Variants in GREB1L observed in about 807,000 individuals in gnomAD.
GREB1L encodes the protein GREB1-like protein.
GREB1L carries 17 observed loss-of-function variants against 200.8 expected under a neutral mutation model. The observed-to-expected ratio is 0.08, with a 90% CI of 0.06 to 0.13. GREB1L has a LOEUF of 0.13. Among genes scored for constraint, GREB1L ranks in the 10% least tolerant of loss-of-function variants. The pLI is 1.00. For missense variants in GREB1L, 1,657 were observed against 2,367.7 expected (o/e 0.70, Z 6.23); for synonymous variants, 789 against 893.0 (o/e 0.88, Z 2.08).
intron 7 of GREB1L, among the ~76,000 whole-genome samples, chr18:21,404,831 G>A (rs1164229086): frequency 6.6e-6 from 1 of 152,184 alleles, no homozygotes; most frequent in African/African-American, 2.4e-5. Flanking sequence ...GTTTTTTGTG[G>A]AGTACATTTT....
chr18:21,301,339 A>C (rs917012573), intron 1 of GREB1L, among the ~76,000 whole-genome samples: 1 of 152,200 alleles, frequency 6.6e-6, no homozygotes, highest in Admixed American at 6.5e-5. Context: ...AAGCTAGCCA[A>C]ACTTTTCCTC....
chr18:21,423,665 GC>G (rs1044264834), intron 7 of GREB1L, among the ~76,000 whole-genome samples: 2 of 152,156 alleles, frequency 1.3e-5, no homozygotes, highest in Non-Finnish European at 2.9e-5. Flanking sequence ...TTTGAGACCA[GC>G]CTGGGCAACA....
chr18:21,243,066 A>AG (rs2037531430), intron 1 of GREB1L, among the ~76,000 whole-genome samples: 1 of 152,010 alleles, frequency 6.6e-6, no homozygotes, highest in Non-Finnish European at 1.5e-5. Context: ...TGCATGGCTG[A>AG]GGACCACTCT....
At chr18:21,517,484 C>T (rs781038022) in intron 30 of GREB1L, among the ~76,000 whole-genome samples, 4 of 152,082 alleles carry the variant, frequency 2.6e-5, no homozygotes, top group African/African-American at 7.2e-5. Context: ...TCAGCCACCA[C>T]GCACCACCAC....
intron 1 of GREB1L, among the ~76,000 whole-genome samples, chr18:21,271,051 A>G (rs2038069836): frequency 6.6e-6 from 1 of 152,228 alleles, no homozygotes; most frequent in Admixed American, 6.5e-5. Flanking sequence ...ACTATTAGCC[A>G]GTACATCATA....
chr18:21,288,016 G>A (rs1375923552), intron 1 of GREB1L, among the ~76,000 whole-genome samples: 2 of 151,978 alleles, frequency 1.3e-5, no homozygotes, highest in Non-Finnish European at 2.9e-5. Flanking sequence ...TGTTGGCCAG[G>A]ATGGTCTCTA....
At chr18:21,287,456 A>G (rs2038375883) in intron 1 of GREB1L, among the ~76,000 whole-genome samples, 1 of 152,184 alleles carries the variant, frequency 6.6e-6, no homozygotes, top group African/African-American at 2.4e-5. Flanking sequence ...TAGCCCTGTC[A>G]TCTGTATCTT....
Position 21,357,719 on chromosome 18 carries a change from G to A in GREB1L, c.-119-8308G>A, listed in dbSNP as rs562686086. ...AGTTTTCCAAGCATCAGTTATTGAAGAGACTGTTCTTCCCCATTGTGTGTT... is the reference window on the plus strand; with the variant it reads ...AGTTTTCCAAGCATCAGTTATTGAAAAGACTGTTCTTCCCCATTGTGTGTT... On this transcript the variant is annotated intron_variant, in intron 1 of 32. Transcript: ENST00000424526. Among the ~76,000 whole-genome samples the A allele has an allele frequency of 3.3e-5, 5 of 152,294 alleles. No homozygotes were observed. The South Asian group carries it at 1.0e-3, about 32-fold the overall frequency.
intron 7 of GREB1L, among the ~76,000 whole-genome samples, chr18:21,429,130 CCTTCCTT>C (rs2032909962): frequency 7.4e-6 from 1 of 135,222 alleles, no homozygotes; most frequent in African/African-American, 3.0e-5. Flanking sequence ...TTCCTTCCTT[CCTTCCTT>C]CCTTCCTTCC....
intron 2 of GREB1L, among the ~76,000 whole-genome samples, chr18:21,375,712 T>C (rs1317694923): frequency 1.1e-4 from 16 of 152,208 alleles, no homozygotes. Context: ...TTTACCTGTT[T>C]CCTTGTAGGG....
intron 7 of GREB1L, among the ~76,000 whole-genome samples, chr18:21,425,015 C>T (rs2032451736): frequency 6.6e-6 from 1 of 152,020 alleles, no homozygotes; most frequent in Non-Finnish European, 1.5e-5. Context: ...GAATAATATT[C>T]TACTGTATGG....
chr18:21,286,292 C>T (rs1001418397), intron 1 of GREB1L, among the ~76,000 whole-genome samples: 18 of 152,100 alleles, frequency 1.2e-4, no homozygotes, highest in African/African-American at 4.3e-4. Flanking sequence ...AATGTATACT[C>T]AGGGGTAACA....
At chr18:21,304,421 A>G (rs1415556922) in intron 1 of GREB1L, among the ~76,000 whole-genome samples, 3 of 152,074 alleles carry the variant, frequency 2.0e-5, no homozygotes, top group East Asian at 1.9e-4. Flanking sequence ...TCAGCACTTC[A>G]CTATGTGAGG....
intron 2 of GREB1L, among the ~76,000 whole-genome samples, chr18:21,382,005 C>A (rs1251214446): frequency 6.6e-6 from 1 of 152,126 alleles, no homozygotes; most frequent in Non-Finnish European, 1.5e-5. Flanking sequence ...CTCCTACAAG[C>A]CTTACCTACC....
chr18:21,438,188 C>T (rs550213773), intron 7 of GREB1L, among the ~76,000 whole-genome samples: 1 of 151,918 alleles, frequency 6.6e-6, no homozygotes, highest in Admixed American at 6.6e-5. Flanking sequence ...GTGGGAGGAC[C>T]GCCTGAGCCC....
At chr18:21,323,745 T>TA (rs1314381130) in intron 1 of GREB1L, among the ~76,000 whole-genome samples, 1 of 152,252 alleles carries the variant, frequency 6.6e-6, no homozygotes, top group Non-Finnish European at 1.5e-5. Flanking sequence ...ACCCCATCTC[T>TA]AAAAATTTTT....
In GREB1L at chr18:21,384,313, G is replaced by A. The variant is rs1437776568; in HGVS notation, c.265G>A (p.Asp89Asn). ...NNLTVNEMED[D>N]EDDEEMSDSN... ...TCTAACAGTTAATGAAATGGAAGAT[G>A]ATGAAGACGATGAAGAAATGTCTGA... is the stretch of plus-strand genomic sequence containing the variant. Residue 89 changes from aspartate to asparagine, a missense_variant, in exon 4 of 33, where the codon GAT (aspartate) becomes AAT (asparagine). Transcript: ENST00000424526. 1.3e-6 allele frequency: 2 copies of A among 1,551,350 alleles called. No homozygotes were observed. The highest frequency in any genetic ancestry group is 1.7e-6 in the Non-Finnish European group (2 of 1,146,520).
At chr18:21,396,709 T>C (rs1017291697) in intron 5 of GREB1L, among the ~76,000 whole-genome samples, 1 of 152,242 alleles carries the variant, frequency 6.6e-6, no homozygotes, top group African/African-American at 2.4e-5. Flanking sequence ...CTATATGATA[T>C]AAAATGTAAA....
intron 2 of GREB1L, among the ~76,000 whole-genome samples, chr18:21,374,267 T>C (rs950788502): frequency 2.0e-5 from 3 of 152,122 alleles, no homozygotes; most frequent in Non-Finnish European, 2.9e-5. Flanking sequence ...GCCTCCCAAA[T>C]TGCTGGGATT....
Sources: allele counts gnomAD v4.1 joint callset (sites outside exome capture counted in the v4.1 genomes callset), GRCh38; gene constraint gnomAD v4.1.1; transcripts MANE v1.5; gene names NCBI Gene and HGNC (gene_info 2026-07-23, HGNC 2026-07-21).